The following MYH14 variants were observed in gnomAD, a reference collection of about 807,000 sequenced individuals.
MYH14 encodes the protein myosin-14.
In MYH14, 123 loss-of-function variants were observed where a neutral mutation model predicts 255.5. The observed-to-expected ratio is 0.48, with a 90% confidence interval of 0.42 to 0.56. MYH14 has a LOEUF of 0.56. Among genes scored for constraint, MYH14 ranks in the 20% least tolerant of loss-of-function variants. The pLI is 0.00. For missense variants in MYH14, 2,423 were observed against 2,802.3 expected (o/e 0.86, Z 3.06); for synonymous variants, 1,095 against 1,161.2 (o/e 0.94, Z 1.16).
chr19:50,308,610 GAA>G, intron 41 of MYH14: 2 of 189,232 alleles, frequency 1.1e-5, no homozygotes, highest in Non-Finnish European at 2.2e-5. Flanking sequence ...GGATCTCAGT[GAA>G]GTTGGTCTGG....
At position 50,217,789 on chromosome 19, in the gene MYH14, C is replaced by T; in HGVS notation, c.562+18C>T. On this transcript the variant is annotated intron_variant, in intron 3 of 42. Transcript: ENST00000642316. The stretch of plus-strand genomic sequence containing the variant: ...GCTGCAGGGTGAGTGCTGGGTGGGG[C>T]TGTAGGCCAGCGAGGCGGCTCTTCA... 6.2e-7 allele frequency: 1 copy of T among 1,608,990 alleles called. No individual in the cohort carries two copies. Among genetic ancestry groups the T allele is most frequent in the Non-Finnish European group, 8.5e-7 (1 of 1,177,080 alleles).
rs1796983696 is a variant in MYH14, at chr19:50,252,490, A to G, written c.1831-149A>G. Reference sequence around the variant, plus strand: ...GGACCATGCTGGTGGGGTGCAGTTCAGAATATGGACACAAGGTGGCACCAG... The same window carrying G: ...GGACCATGCTGGTGGGGTGCAGTTCGGAATATGGACACAAGGTGGCACCAG... On this transcript the variant is annotated intron_variant, in intron 15 of 42. Transcript: ENST00000642316. The surrounding 1 kb of genome is among the most constrained non-coding windows in gnomAD (Gnocchi z 4.2). The G allele has an allele frequency of 1.5e-6, 1 of 665,922 alleles. No homozygotes were observed. Among genetic ancestry groups the G allele is most frequent in the African/African-American group, 1.8e-5 (1 of 56,476 alleles). The allele number at this position is 665,922 out of a possible 1,614,324, so 41.3% of individuals were successfully genotyped here. A position where few individuals can be genotyped will look rare whatever the true frequency, so the allele number is the denominator to read the frequency against.
intron 1 of MYH14, chr19:50,205,563 G>A (rs937700734): frequency 3.3e-5 from 5 of 152,332 alleles, no homozygotes; most frequent in Admixed American, 6.5e-5. Flanking sequence ...AGGTAGCCCC[G>A]AGGATCTGCG....
chr19:50,220,484 A>G (rs976240411), intron 3 of MYH14, among the ~76,000 whole-genome samples: 1 of 150,744 alleles, frequency 6.6e-6, no homozygotes, highest in Non-Finnish European at 1.5e-5. Flanking sequence ...AATAAGTATA[A>G]TGTGTTAAAT....
chr19:50,231,853 A>T (rs1425059794), intron 9 of MYH14, 77 bp from the exon 10 acceptor site: 2 of 1,576,568 alleles, frequency 1.3e-6, no homozygotes, highest in African/African-American at 1.3e-5. Context: ...ATGTCCTGGG[A>T]TTGCCACCGA....
At chr19:50,304,671 T>A (rs2036599324) in intron 40 of MYH14, among the ~76,000 whole-genome samples, 1 of 152,186 alleles carries the variant, frequency 6.6e-6, no homozygotes, top group Non-Finnish European at 1.5e-5. Flanking sequence ...TATGTCTAAT[T>A]ACCTCCATGG....
At chr19:50,281,452 T>G in intron 32 of MYH14, 142 bp from the exon 33 acceptor site, 12 of 1,250,064 alleles carry the variant, frequency 9.6e-6, no homozygotes, top group Non-Finnish European at 1.3e-5. Context: ...TTCACACCAC[T>G]CAGAGGCAGA....
Position 50,293,286 on chromosome 19 carries a change from G to A in MYH14, c.5310G>A (p.Glu1770=). Residue 1770 remains glutamate, a synonymous_variant, in exon 38 of 43, where the codon GAG becomes GAA. Transcript: ENST00000642316. The surrounding 1 kb of genome is among the most constrained non-coding windows in gnomAD (Gnocchi z 4.1). ...ARRQAQQDRD[E]MADEVANGNL... is the part of the protein sequence containing the mutation. ...GGCAGGCCCAGCAGGACCGGGATGAGATGGCAGATGAGGTGGCCAATGGTA... is the reference window on the plus strand; with the variant it reads ...GGCAGGCCCAGCAGGACCGGGATGAAATGGCAGATGAGGTGGCCAATGGTA... 1 of 1,609,194 alleles carries A rather than the reference G, an allele frequency of 6.2e-7. No homozygotes were observed. The highest frequency in any genetic ancestry group is 8.5e-7 in the Non-Finnish European group (1 of 1,178,080).
chr19:50,278,119 G>C lies in MYH14; in HGVS notation c.3862G>C (p.Glu1288Gln), dbSNP rs779373908. ...ATGGGAGAAGACCCGGCTGGCCCTG[G>C]AGGCCGAGGTGTCCGAGCTGCGGGC... ...GAWEKTRLAL[E>Q]AEVSELRAEL... Residue 1288 changes from glutamate (E) to glutamine (Q), a missense_variant, in exon 30 of 43, where the codon GAG (glutamate) becomes CAG (glutamine). Physicochemically the swap from Glu to Gln is conservative, Grantham distance 29. This residue lies in a region of MYH14 where 1,513 missense variants were observed against 1,674.8 expected (regional missense o/e 0.90). Transcript: ENST00000642316. 5 of 1,599,316 alleles carry C rather than the reference G, an allele frequency of 3.1e-6. No homozygotes were observed. Among genetic ancestry groups the C allele is most frequent in the African/African-American group, 2.7e-5 (2 of 74,646 alleles).
Position 50,210,373 on chromosome 19 carries a change from C to T in MYH14, c.8C>T (p.Ala3Val). 6.3e-7 allele frequency: 1 copy of T among 1,588,174 alleles called. No homozygotes were observed. Among genetic ancestry groups the T allele is most frequent in the South Asian group, 1.1e-5 (1 of 87,786 alleles). MA[A>V]VTMSVPGRKA... is the part of the protein sequence containing the mutation. Reference sequence around the variant, plus strand: ...TCTTTGCCCCTGCAGACCATGGCAGCCGTGACCATGTCGGTGCCCGGGCGG... The same window carrying T: ...TCTTTGCCCCTGCAGACCATGGCAGTCGTGACCATGTCGGTGCCCGGGCGG... Residue 3 changes from alanine to valine, a missense_variant, in exon 2 of 43, where the codon GCC (alanine) becomes GTC (valine). Transcript: ENST00000642316.
chr19:50,262,387 A>G (rs528143768), intron 21 of MYH14, among the ~76,000 whole-genome samples: 1 of 152,024 alleles, frequency 6.6e-6, no homozygotes, highest in African/African-American at 2.4e-5. Flanking sequence ...GTGAAACCCC[A>G]TCTCTACTAA....
chr19:50,284,073 AAAAAAACAAAAC>A (rs1429180438), intron 33 of MYH14, among the ~76,000 whole-genome samples: 12 of 145,968 alleles, frequency 8.2e-5, no homozygotes, highest in Admixed American at 2.0e-4. Context: ...ACTCTGTCTC[AAAAAAACAAAAC>A]AAAAAACAAA....
Position 50,281,770 on chromosome 19 carries a change from C to G in MYH14, c.4467C>G (p.Asp1489Glu). Residue 1489 changes from aspartate to glutamate, a missense_variant, in exon 33 of 43, where the codon GAC becomes GAG. Around this residue, in one of 3 missense-constraint regions of MYH14, gnomAD observed 1,513 missense variants for 1,674.8 expected, o/e 0.90. Transcript: ENST00000642316. The stretch of plus-strand genomic sequence containing the variant: ...GCCGGCTGCAGCAGGAGCTGGACGA[C>G]GCCACCATGGACCTGGAGCAGCAGC... ...GRRRLQQELDDATMDLEQQRQ... is the reference protein window; with the variant it reads ...GRRRLQQELDEATMDLEQQRQ... 1 of 1,612,586 alleles carries G rather than the reference C, an allele frequency of 6.2e-7. No individual in the cohort carries two copies. The highest frequency in any genetic ancestry group is 8.5e-7 in the Non-Finnish European group (1 of 1,179,746).
chr19:50,237,512 G>C (rs1191764686), intron 10 of MYH14, among the ~76,000 whole-genome samples: 1 of 152,100 alleles, frequency 6.6e-6, no homozygotes, highest in East Asian at 1.9e-4. Context: ...ATTTTTAGTA[G>C]AGGCAGGGTT....
At chr19:50,215,599 G>C (rs2032435121) in intron 2 of MYH14, among the ~76,000 whole-genome samples, 1 of 152,184 alleles carries the variant, frequency 6.6e-6, no homozygotes, top group Non-Finnish European at 1.5e-5. Flanking sequence ...GATCACTTGA[G>C]CCAGGGGTTC....
intron 27 of MYH14, among the ~76,000 whole-genome samples, chr19:50,274,124 G>A (rs1281933419): frequency 6.6e-6 from 1 of 152,164 alleles, no homozygotes; most frequent in African/African-American, 2.4e-5. Flanking sequence ...CGCATACCCT[G>A]AGCCCTCAAT....
chr19:50,306,925 T>G, intron 40 of MYH14, 124 bp from the exon 41 acceptor site: 1 of 722,426 alleles, frequency 1.4e-6, no homozygotes, highest in Non-Finnish European at 2.4e-6. Flanking sequence ...GGGAACCACT[T>G]AGGGGTTAGG....
In MYH14 at chr19:50,250,187, G is replaced by C. The variant is rs2034313112; in HGVS notation, c.1657-328G>C. 1.3e-5 allele frequency among the ~76,000 whole-genome samples: 2 copies of C among 152,288 alleles called. No homozygotes were observed. The highest frequency in any genetic ancestry group is 6.8e-3 in the Middle Eastern group (2 of 294). ...GCGATCTCTGCTTACTGCAAGCTTC[G>C]CCCCCTGGGTTCACGCCATTCTCCT... On this transcript the variant is annotated intron_variant, in intron 14 of 42. Coordinates refer to ENST00000642316, the MANE Select transcript of MYH14 (RefSeq NM_001145809.2). This position sits in a 1 kb window ranked among gnomAD's most constrained non-coding sequence, Gnocchi z 5.4.
intron 40 of MYH14, among the ~76,000 whole-genome samples, chr19:50,305,593 A>G (rs1050977380): frequency 1.3e-5 from 2 of 151,942 alleles, no homozygotes; most frequent in African/African-American, 4.8e-5. Context: ...CCATTATACA[A>G]ATGAGGAAAC....
Sources: allele counts gnomAD v4.1 joint callset (sites outside exome capture counted in the v4.1 genomes callset), GRCh38; gene constraint gnomAD v4.1.1; regional missense constraint gnomAD v4.1.1; non-coding constraint Gnocchi (gnomAD v3.1); transcripts MANE v1.5; gene names NCBI Gene and HGNC (gene_info 2026-07-23, HGNC 2026-07-21).